SMPD3: variants seen among roughly 807,000 people sequenced by gnomAD.
The protein encoded by SMPD3 is sphingomyelin phosphodiesterase 3.
SMPD3 carries 21 observed loss-of-function variants against 55.7 expected under a neutral mutation model. The ratio of observed to expected loss-of-function variants is 0.38; its 90% CI spans 0.27 to 0.54. SMPD3 has a LOEUF of 0.54. Among genes scored for constraint, SMPD3 ranks in the 20% least tolerant of loss-of-function variants. SMPD3 has a pLI of 0.80. For synonymous variants in SMPD3, 457 were observed against 404.3 expected (o/e 1.13, Z -1.56); for missense variants, 842 against 899.6 (o/e 0.94, Z 0.82).
At chr16:68,361,906 T>G in intron 7 of SMPD3, 147 bp from the exon 8 acceptor site, 1 of 1,247,238 alleles carries the variant, frequency 8.0e-7, no homozygotes, top group Non-Finnish European at 1.1e-6. Context: ...CCCCTGCGGG[T>G]CCAAAAAGGG....
chr16:68,419,414 T>C (rs1022441837), intron 1 of SMPD3, among the ~76,000 whole-genome samples: 5 of 152,164 alleles, frequency 3.3e-5, no homozygotes, highest in African/African-American at 9.7e-5. Flanking sequence ...GATGGCTGGG[T>C]GGCCAGGAAT....
At chr16:68,423,032 T>A (rs950350920) in intron 1 of SMPD3, among the ~76,000 whole-genome samples, 4 of 152,176 alleles carry the variant, frequency 2.6e-5, no homozygotes, top group African/African-American at 9.7e-5. Context: ...AGTTATTAGC[T>A]CAGTGATCTT....
chr16:68,413,137 T>C (rs1380595858), intron 1 of SMPD3, among the ~76,000 whole-genome samples: 4 of 152,216 alleles, frequency 2.6e-5, no homozygotes, highest in African/African-American at 9.6e-5. Flanking sequence ...TGAATGAGGC[T>C]TTGCTGGATG....
chr16:68,383,376 T>C (rs867928383), intron 2 of SMPD3, among the ~76,000 whole-genome samples: 17 of 152,210 alleles, frequency 1.1e-4, no homozygotes, highest in African/African-American at 3.6e-4. Context: ...CTCACTAGAC[T>C]TTCTTGGTAA....
chr16:68,361,792 C>A (rs971392882), intron 7 of SMPD3, 33 bp from the exon 8 acceptor site: 9 of 1,604,790 alleles, frequency 5.6e-6, no homozygotes, highest in Non-Finnish European at 6.8e-6. Context: ...GGTGGGCCCC[C>A]ATGCCCGCCC....
chr16:68,419,655 T>G (rs2090373210), intron 1 of SMPD3, among the ~76,000 whole-genome samples: 1 of 152,200 alleles, frequency 6.6e-6, no homozygotes, highest in Admixed American at 6.5e-5. Context: ...TCCCTTCCTA[T>G]GGAAGATAGA....
At position 68,372,382 on chromosome 16, in the gene SMPD3, C is replaced by T. The variant is rs141083064; in HGVS notation, c.-201G>A. On this transcript the variant is annotated 5_prime_UTR_variant, in exon 3 of 9. Transcript: ENST00000219334. The stretch of plus-strand genomic sequence containing the variant: ...CGGTGGGCCATGCGGAGGCCTACTG[C>T]AGACCCTGCAGAGACAAAAGTAGGG... The T allele has an allele frequency of 1.5e-3, 948 of 645,548 alleles. 23 individuals are homozygous for T. The East Asian group carries it at 0.026, about 17-fold the overall frequency. 40.0% of individuals were successfully genotyped at this position (645,548 alleles called of 1,614,324 possible). A position where few individuals can be genotyped will look rare whatever the true frequency, so the allele number is the denominator to read the frequency against.
Position 68,371,256 on chromosome 16 carries a change from G to A in SMPD3, c.926C>T (p.Pro309Leu), listed in dbSNP as rs1295800946. ...TGGCTCCCCGCTGGCACTGGTGTCT[G>A]GCCCAGCTCGCCCCTTCACCAGGGA... Reference protein sequence around the residue: ...RESLVKGRAGPDTSASGEPGA... With the variant: ...RESLVKGRAGLDTSASGEPGA... Residue 309 changes from proline to leucine, a missense_variant, in exon 3 of 9, where the codon CCA (proline) becomes CTA (leucine). Pro to Leu is a moderately conservative substitution (Grantham distance 98). Coordinates refer to ENST00000219334, the MANE Select transcript of SMPD3 (RefSeq NM_018667.4). 6.2e-7 allele frequency: 1 copy of A among 1,606,412 alleles called. No homozygotes were observed. Among genetic ancestry groups the A allele is most frequent in the Non-Finnish European group, 8.5e-7 (1 of 1,178,208 alleles).
chr16:68,382,705 A>G (rs1406944024), intron 2 of SMPD3, among the ~76,000 whole-genome samples: 4 of 152,220 alleles, frequency 2.6e-5, no homozygotes, highest in Non-Finnish European at 4.4e-5. Context: ...TTTGAGGACC[A>G]TAATGACTAC....
At chr16:68,377,300 C>T (rs1020756353) in intron 2 of SMPD3, among the ~76,000 whole-genome samples, 1 of 152,156 alleles carries the variant, frequency 6.6e-6, no homozygotes, top group Non-Finnish European at 1.5e-5. Context: ...GCCCAGAAAA[C>T]CCCAAGTCCA....
At chr16:68,433,031 T>C (rs891731434) in intron 1 of SMPD3, among the ~76,000 whole-genome samples, 1 of 152,134 alleles carries the variant, frequency 6.6e-6, no homozygotes, top group Non-Finnish European at 1.5e-5. Flanking sequence ...CTTGAACTCC[T>C]GGGCTCAAAT....
chr16:68,410,876 C>T (rs534637583), intron 1 of SMPD3, among the ~76,000 whole-genome samples: 70 of 152,364 alleles, frequency 4.6e-4, no homozygotes, highest in South Asian at 1.2e-3. Flanking sequence ...CTGTGAATTC[C>T]GGCAGAGTGA....
intron 1 of SMPD3, among the ~76,000 whole-genome samples, chr16:68,390,430 G>T (rs2090101090): frequency 6.6e-6 from 1 of 152,204 alleles, no homozygotes. Context: ...GGAGGCTTAG[G>T]CAGGCAGATC....
intron 1 of SMPD3, among the ~76,000 whole-genome samples, chr16:68,432,008 G>A (rs556448366): frequency 2.6e-5 from 4 of 152,078 alleles, no homozygotes; most frequent in East Asian, 1.9e-4. Context: ...CCAACTACTC[G>A]GGAGGCTGAG....
At chr16:68,412,134 G>A (rs1449988072) in intron 1 of SMPD3, among the ~76,000 whole-genome samples, 1 of 152,182 alleles carries the variant, frequency 6.6e-6, no homozygotes, top group Admixed American at 6.5e-5. Flanking sequence ...GGAGGCTGGG[G>A]AAGGCCTGGG....
chr16:68,361,824 TGTG>T, intron 7 of SMPD3, 65 bp from the exon 8 acceptor site: 1 of 1,548,726 alleles, frequency 6.5e-7, no homozygotes, highest in Non-Finnish European at 8.7e-7. Flanking sequence ...GCAGGGGCTG[TGTG>T]TGGAGCCATG....
intron 1 of SMPD3, among the ~76,000 whole-genome samples, chr16:68,402,030 G>T (rs2152012187): frequency 6.6e-6 from 1 of 152,230 alleles, no homozygotes; most frequent in Admixed American, 6.5e-5. Context: ...TCCTTAGCAG[G>T]ACCTCCCTGC....
chr16:68,361,185 G>A lies in SMPD3; in HGVS notation c.*21C>T, dbSNP rs1272903328. The A allele has an allele frequency of 1.2e-6, 2 of 1,606,608 alleles. No individual in the cohort carries two copies. The highest frequency in any genetic ancestry group is 1.7e-6 in the Non-Finnish European group (2 of 1,175,138). On this transcript the variant is annotated 3_prime_UTR_variant, in exon 9 of 9. Coordinates refer to ENST00000219334, the MANE Select transcript of SMPD3 (RefSeq NM_018667.4). ...GGCTGCAGCTGCAAGGGCTGGCAGA[G>A]GCCCCGCTGCTCCGGACGGTCTATG...
chr16:68,382,503 C>A (rs773329612), intron 2 of SMPD3, among the ~76,000 whole-genome samples: 1 of 152,174 alleles, frequency 6.6e-6, no homozygotes, highest in Non-Finnish European at 1.5e-5. Flanking sequence ...AGAGACTTTG[C>A]CTCCTAGTTG....
Sources: gnomAD v4.1 joint callset for allele counts (sites outside exome capture counted in the v4.1 genomes callset) on GRCh38, gnomAD v4.1.1 for gene constraint, MANE v1.5 for transcripts, NCBI Gene and HGNC (gene_info 2026-07-23, HGNC 2026-07-21) for gene names.